ITPK1: variants seen among roughly 807,000 people sequenced by gnomAD.
ITPK1 encodes the protein inositol 1,3,4-trisphosphate 5/6-kinase.
A neutral mutation model predicts 45.3 loss-of-function variants in ITPK1; 21 were observed. The ratio of observed to expected loss-of-function variants is 0.46; its 90% CI spans 0.33 to 0.67. The LOEUF (loss-of-function observed/expected upper bound fraction) is 0.67. Among genes scored for constraint, ITPK1 ranks in the 30% least tolerant of loss-of-function variants. The pLI is 0.02. For synonymous variants in ITPK1, 258 were observed against 253.6 expected (o/e 1.02, Z -0.16); for missense variants, 474 against 573.5 (o/e 0.83, Z 1.77).
rs763407778 is a variant in ITPK1, at chr14:92,962,787, G to T, written c.427C>A (p.Arg143=). Residue 143 remains arginine (R), a synonymous_variant, in exon 6 of 11, where the codon CGG becomes AGG. Transcript: ENST00000267615. ...LTSLCGDDTM[R]LLEKNGLTFP... is the part of the protein sequence containing the mutation. ...GTCAAGCCGTTCTTCTCCAGCAGCC[G>T]CATGGTGTCATCCCCGCACAGGCTC... 24 of 1,613,734 alleles carry T rather than the reference G, an allele frequency of 1.5e-5. No individual in the cohort carries two copies. Among genetic ancestry groups the T allele is most frequent in the Non-Finnish European group, 1.5e-5 (18 of 1,179,710 alleles).
intron 4 of ITPK1, among the ~76,000 whole-genome samples, chr14:93,000,708 G>A (rs1322161707): frequency 2.6e-5 from 4 of 152,254 alleles, no homozygotes; most frequent in African/African-American, 9.6e-5. Context: ...GGCTCGCGGT[G>A]GCTTGCGCCT....
chr14:93,013,659 C>G (rs540421290), intron 4 of ITPK1, among the ~76,000 whole-genome samples: 6 of 152,238 alleles, frequency 3.9e-5, no homozygotes, highest in Non-Finnish European at 8.8e-5. Context: ...TCCCTGCTCA[C>G]AACAAAATGG....
rs150794991 is a variant in ITPK1, at chr14:93,088,316, A to C, written c.96-11697T>G. ...ACCACTGGGTGGGTACAATGGTTGC[A>C]TCTTTTCTTTTTTGGTTTTGTTTTG... On this transcript the variant is annotated intron_variant, in intron 2 of 10. Transcript: ENST00000267615. Among the ~76,000 whole-genome samples the C allele has an allele frequency of 6.1e-3, 892 of 147,022 alleles. 11 individuals carry two copies. Among genetic ancestry groups the C allele is most frequent in the African/African-American group, 0.021 (838 of 39,252 alleles).
chr14:92,945,633 C>A (rs1887647892), intron 10 of ITPK1, among the ~76,000 whole-genome samples: 1 of 152,206 alleles, frequency 6.6e-6, no homozygotes, highest in Admixed American at 6.5e-5. Flanking sequence ...GCCTTGGTGT[C>A]CCCAGGGCGA....
At chr14:92,981,122 G>A (rs986218374) in intron 5 of ITPK1, among the ~76,000 whole-genome samples, 3 of 152,152 alleles carry the variant, frequency 2.0e-5, no homozygotes, top group Non-Finnish European at 2.9e-5. Context: ...CTTGTCCTGT[G>A]TTTCCTTCTC....
intron 5 of ITPK1, among the ~76,000 whole-genome samples, chr14:92,990,443 C>CTCTCT (rs1886722883): frequency 6.6e-6 from 1 of 152,196 alleles, no homozygotes; most frequent in South Asian, 2.1e-4. Flanking sequence ...TGGGCTTTTA[C>CTCTCT]ATCAGAGAGA....
intron 4 of ITPK1, among the ~76,000 whole-genome samples, chr14:93,000,237 G>A (rs894804339): frequency 5.9e-5 from 9 of 152,142 alleles, no homozygotes; most frequent in Non-Finnish European, 1.0e-4. Context: ...GTCAACATAC[G>A]TTTTCACTTC....
intron 9 of ITPK1, among the ~76,000 whole-genome samples, chr14:92,950,536 A>G (rs562461079): frequency 1.5e-3 from 235 of 152,310 alleles, no homozygotes; most frequent in African/African-American, 5.5e-3. Flanking sequence ...GGTGAAGGGA[A>G]GGGCCCTGCA....
intron 3 of ITPK1, among the ~76,000 whole-genome samples, chr14:93,054,541 T>C (rs541257930): frequency 2.6e-5 from 4 of 152,298 alleles, no homozygotes; most frequent in Admixed American, 6.5e-5. Context: ...CTATTCTAAC[T>C]AGACACTGGG....
Position 93,048,717 on chromosome 14 carries a change from GGT to G in ITPK1, c.120+27876_120+27877del, listed in dbSNP as rs1889886867. Among the ~76,000 whole-genome samples the G allele has an allele frequency of 2.0e-5, 3 of 152,222 alleles. No homozygotes were observed. In the South Asian group the frequency reaches 6.2e-4, roughly 32 times the overall value. On this transcript the variant is annotated intron_variant, in intron 3 of 10. Coordinates refer to ENST00000267615, the MANE Select transcript of ITPK1 (RefSeq NM_014216.6). ...TAATCCCAGCACTTTGGGAGGCCAA[GGT>G]GGGTGGATTGCTTAAGCTCAGGAGT...
chr14:93,108,977 C>A (rs1435722524), intron 2 of ITPK1, among the ~76,000 whole-genome samples: 3 of 152,224 alleles, frequency 2.0e-5, no homozygotes, highest in Non-Finnish European at 2.9e-5. Context: ...CGTGCCACTG[C>A]ACTCCAGTCT....
chr14:93,103,440 A>G (rs1029570351), intron 2 of ITPK1, among the ~76,000 whole-genome samples: 6 of 151,976 alleles, frequency 3.9e-5, no homozygotes, highest in African/African-American at 1.4e-4. Context: ...TAAGAAGAAG[A>G]AGAAACTCAC....
rs771103276 is a variant in ITPK1, at chr14:92,941,729, G to A, written c.1077C>T (p.Pro359=). The change falls in exon 11 of 11, where the codon CCC becomes CCT. Residue 359 remains proline, a synonymous_variant. Coordinates refer to ENST00000267615, the MANE Select transcript of ITPK1 (RefSeq NM_014216.6). The stretch of plus-strand genomic sequence containing the variant: ...GGCCCATCATGCTGCCGCAGCAGCC[G>A]GGGCTGGCGCTGCATGTCCGCTCGC... ...LVGERTCSAS[P]GCCGSMMGQD... 53 of 1,589,354 alleles carry A rather than the reference G, an allele frequency of 3.3e-5. No homozygotes were observed. Among genetic ancestry groups the A allele is most frequent in the Admixed American group, 1.2e-4 (7 of 57,988 alleles).
chr14:93,029,078 TGGAG>T (rs1888899718), intron 3 of ITPK1, among the ~76,000 whole-genome samples: 1 of 152,192 alleles, frequency 6.6e-6, no homozygotes, highest in African/African-American at 2.4e-5. Flanking sequence ...TCCCCAAAGC[TGGAG>T]GGATTCATGC....
At chr14:93,075,782 T>G (rs1201734812) in intron 3 of ITPK1, among the ~76,000 whole-genome samples, 3 of 152,104 alleles carry the variant, frequency 2.0e-5, no homozygotes, top group Admixed American at 6.6e-5. Context: ...GTCCCCAGCT[T>G]GAGTTCCCCT....
At chr14:92,947,309 T>C (rs769085669) in intron 9 of ITPK1, among the ~76,000 whole-genome samples, 23 of 152,202 alleles carry the variant, frequency 1.5e-4, no homozygotes, top group Non-Finnish European at 2.4e-4. Context: ...CATGTGCTGG[T>C]CAGGCCACCC....
At chr14:93,056,422 G>A (rs553240101) in intron 3 of ITPK1, among the ~76,000 whole-genome samples, 248 of 152,350 alleles carry the variant, frequency 1.6e-3, no homozygotes, top group Middle Eastern at 3.4e-3. Flanking sequence ...GGGGGCAAGG[G>A]AGTCTGCATT....
At position 92,941,735 on chromosome 14, in the gene ITPK1, G is replaced by A. The variant is rs773948492; in HGVS notation, c.1071C>T (p.Ala357=). ...TCATGCTGCCGCAGCAGCCGGGGCT[G>A]GCGCTGCATGTCCGCTCGCCCACCA... ...GGLVGERTCS[A]SPGCCGSMMG... The change falls in exon 11 of 11, where the codon GCC becomes GCT. Residue 357 remains alanine (A), a synonymous_variant. Coordinates refer to ENST00000267615, the MANE Select transcript of ITPK1 (RefSeq NM_014216.6). The A allele has an allele frequency of 1.9e-6, 3 of 1,593,668 alleles. No homozygotes were observed. Among genetic ancestry groups the A allele is most frequent in the South Asian group, 1.1e-5 (1 of 89,024 alleles).
rs2139732586 is a variant in ITPK1, at chr14:92,958,447, G to C, written c.505-81C>G. The C allele has an allele frequency of 1.4e-6, 2 of 1,386,608 alleles. No individual in the cohort carries two copies. The highest frequency in any genetic ancestry group is 2.3e-5 in the East Asian group (1 of 42,916). 85.9% of individuals were successfully genotyped at this position (1,386,608 alleles called of 1,614,324 possible). On this transcript the variant is annotated intron_variant, in intron 7 of 10. Coordinates refer to ENST00000267615, the MANE Select transcript of ITPK1 (RefSeq NM_014216.6). This position sits in a 1 kb window ranked among gnomAD's most constrained non-coding sequence, Gnocchi z 4.4. ...AACACACAGGTGTGTCACCTGTCCA[G>C]AGCACCTCCACCAAGGCCCATCCCT...
Sources: gnomAD v4.1 joint callset for allele counts (sites outside exome capture counted in the v4.1 genomes callset) on GRCh38, gnomAD v4.1.1 for gene constraint, Gnocchi (gnomAD v3.1) non-coding constraint, MANE v1.5 for transcripts, NCBI Gene and HGNC (gene_info 2026-07-23, HGNC 2026-07-21) for gene names.